DNAI4: variants seen among roughly 807,000 people sequenced by gnomAD.
The protein encoded by DNAI4 is dynein axonemal intermediate chain 4, also known as WD repeat domain 78.
In DNAI4, 85 loss-of-function variants were observed where a neutral mutation model predicts 105.8. The ratio of observed to expected loss-of-function variants is 0.80; its 90% CI spans 0.67 to 0.96. The LOEUF is 0.96. DNAI4 is among the 40% of genes least tolerant of loss of function. The probability of loss-of-function intolerance (pLI) is 0.00; values close to 1 mark genes in which losing one functional copy is unlikely to be tolerated. For synonymous variants in DNAI4, 352 were observed against 331.5 expected (o/e 1.06, Z -0.67); for missense variants, 1,014 against 1,005.6 (o/e 1.01, Z -0.11).
At chr1:66,837,641 T>C (rs1312331104) in intron 10 of DNAI4, 69 bp downstream of exon 10, 1 of 1,447,890 alleles carries the variant, frequency 6.9e-7, no homozygotes, top group East Asian at 2.4e-5. Flanking sequence ...TTATTACATG[T>C]AATTATATAT....
In DNAI4 at chr1:66,893,274, AG is replaced by A; in HGVS notation, c.484del (p.Leu162PhefsTer6). The A allele has an allele frequency of 2.5e-6, 4 of 1,606,158 alleles. No homozygotes were observed. The highest frequency in any genetic ancestry group is 3.4e-6 in the Non-Finnish European group (4 of 1,176,154). ...ACTAGGATTTATTGTATTCTGATAA[AG>A]GCTATAGGAAGATATAAATTCTGAT... The part of the protein sequence containing the change: ...LGSEFISSYS[L>X]YQNTINPSTL... On this transcript the variant is annotated frameshift_variant, in exon 3 of 17. Coordinates refer to ENST00000371026, the MANE Select transcript of DNAI4 (RefSeq NM_024763.5). LOFTEE classifies it high-confidence loss of function.
chr1:66,879,518 T>C (rs1485577749), intron 4 of DNAI4, among the ~76,000 whole-genome samples: 1 of 152,250 alleles, frequency 6.6e-6, no homozygotes, highest in African/African-American at 2.4e-5. Flanking sequence ...TGTGTGAAGA[T>C]AAATTTTCAG....
At chr1:66,858,518 G>A (rs1646551406) in intron 7 of DNAI4, among the ~76,000 whole-genome samples, 1 of 118,966 alleles carries the variant, frequency 8.4e-6, no homozygotes, top group African/African-American at 3.6e-5. Context: ...GGGCAACAGA[G>A]CAAGACTCCG....
intron 16 of DNAI4, among the ~76,000 whole-genome samples, chr1:66,818,370 C>T (rs375186885): frequency 6.6e-6 from 1 of 151,306 alleles, no homozygotes; most frequent in African/African-American, 2.4e-5. Flanking sequence ...CTTAAAAGTC[C>T]AATATATTAA....
chr1:66,918,418 G>A (rs1327969038), intron 1 of DNAI4, among the ~76,000 whole-genome samples: 1 of 151,582 alleles, frequency 6.6e-6, no homozygotes, highest in Non-Finnish European at 1.5e-5. Context: ...CTTCTTTTTT[G>A]CCCCATTTTT....
chr1:66,904,473 G>C (rs1339923106), intron 2 of DNAI4, among the ~76,000 whole-genome samples: 1 of 151,998 alleles, frequency 6.6e-6, no homozygotes, highest in Non-Finnish European at 1.5e-5. Flanking sequence ...CATGCTATCT[G>C]TTTATCTACT....
Position 66,894,214 on chromosome 1 carries a change from C to G in DNAI4, c.346-801G>C, listed in dbSNP as rs3008882. Among the ~76,000 whole-genome samples the G allele has an allele frequency of 7.9e-3, 1,206 of 152,184 alleles. 15 individuals carry two copies. Among genetic ancestry groups the G allele is most frequent in the African/African-American group, 0.028 (1,160 of 41,528 alleles). Reference sequence around the variant, plus strand: ...GATATTGTTATAAGAGATGATAGCTCCATGCATATTACTGCCCCCAAAAAA... The same window carrying G: ...GATATTGTTATAAGAGATGATAGCTGCATGCATATTACTGCCCCCAAAAAA... On this transcript the variant is annotated intron_variant, in intron 2 of 16. Transcript: ENST00000371026.
At chr1:66,857,722 C>T (rs1272200265) in intron 7 of DNAI4, among the ~76,000 whole-genome samples, 2 of 151,794 alleles carry the variant, frequency 1.3e-5, no homozygotes, top group African/African-American at 2.4e-5. Flanking sequence ...TTAGTACAGA[C>T]GGAGTTTCTC....
At chr1:66,866,938 A>G (rs770858818) in intron 6 of DNAI4, among the ~76,000 whole-genome samples, 1 of 152,182 alleles carries the variant, frequency 6.6e-6, no homozygotes, top group Non-Finnish European at 1.5e-5. Flanking sequence ...GGTGGAAGGT[A>G]TGTCTTGCAT....
intron 5 of DNAI4, among the ~76,000 whole-genome samples, chr1:66,873,445 G>T (rs1646892624): frequency 6.7e-6 from 1 of 150,286 alleles, no homozygotes; most frequent in South Asian, 2.2e-4. Context: ...TGGAGATAGG[G>T]CTCTCGCCAT....
At chr1:66,899,107 C>T (rs1426614946) in intron 2 of DNAI4, among the ~76,000 whole-genome samples, 2 of 152,088 alleles carry the variant, frequency 1.3e-5, no homozygotes, top group African/African-American at 4.8e-5. Flanking sequence ...TATTTTATTT[C>T]TCTTGGGTAT....
At chr1:66,828,444 T>C (rs1458424981) in intron 13 of DNAI4, 1 of 152,216 alleles carries the variant, frequency 6.6e-6, no homozygotes, top group Non-Finnish European at 1.5e-5. Flanking sequence ...CTTCAACAGT[T>C]AGTTACATCA....
intron 8 of DNAI4, among the ~76,000 whole-genome samples, chr1:66,842,589 G>T (rs145354647): frequency 5.9e-5 from 9 of 151,998 alleles, no homozygotes; most frequent in Non-Finnish European, 2.9e-5. Flanking sequence ...TAGAGCCAGG[G>T]TTTCACTATG....
intron 1 of DNAI4, among the ~76,000 whole-genome samples, chr1:66,920,541 T>C (rs1277666936): frequency 6.6e-6 from 1 of 152,128 alleles, no homozygotes; most frequent in East Asian, 1.9e-4. Flanking sequence ...CTCCCCTAGA[T>C]ACTGTTGGGG....
chr1:66,892,800 T>C (rs55858354), intron 3 of DNAI4, among the ~76,000 whole-genome samples: 20,745 of 150,612 alleles, frequency 0.14, 1,564 homozygotes, highest in Middle Eastern at 0.21. Flanking sequence ...CCCAGCTACT[T>C]GGGAGGCTGA....
intron 1 of DNAI4, among the ~76,000 whole-genome samples, chr1:66,913,605 G>T (rs1463894213): frequency 6.6e-6 from 1 of 152,128 alleles, no homozygotes; most frequent in Non-Finnish European, 1.5e-5. Flanking sequence ...GGCTTGCCCA[G>T]GAAATATATA....
chr1:66,872,952 A>C (rs1646878833), intron 5 of DNAI4, among the ~76,000 whole-genome samples: 1 of 152,010 alleles, frequency 6.6e-6, no homozygotes, highest in Non-Finnish European at 1.5e-5. Context: ...ACCTCAAGTG[A>C]TCCACCCACC....
At chr1:66,877,532 G>A (rs994347527) in intron 4 of DNAI4, among the ~76,000 whole-genome samples, 2 of 151,898 alleles carry the variant, frequency 1.3e-5, no homozygotes, top group Non-Finnish European at 2.9e-5. Flanking sequence ...AGAATAATTA[G>A]AGTTTCTGTA....
chr1:66,862,221 A>C lies in DNAI4; in HGVS notation c.1022T>G (p.Val341Gly). Residue 341 changes from valine (V) to glycine (G), a missense_variant, in exon 7 of 17, where the codon GTT becomes GGT. By Grantham distance (109) the Val-to-Gly change is moderately radical. Coordinates refer to ENST00000371026, the MANE Select transcript of DNAI4 (RefSeq NM_024763.5). ...TACATTTGCTTTACTACTTGACTCA[A>C]CCACAGATTGTTTTACTGATAAAGA... is the stretch of plus-strand genomic sequence containing the variant. ...LVSLSVKQSV[V>G]ESSSKANVLP... 6.2e-7 allele frequency: 1 copy of C among 1,610,518 alleles called. No homozygotes were observed. The highest frequency in any genetic ancestry group is 1.1e-5 in the South Asian group (1 of 90,058).
Sources: gnomAD v4.1 joint callset for allele counts (sites outside exome capture counted in the v4.1 genomes callset) on GRCh38, gnomAD v4.1.1 for gene constraint, MANE v1.5 for transcripts, NCBI Gene and HGNC (gene_info 2026-07-23, HGNC 2026-07-21) for gene names.